HEATR5A: variants seen among roughly 807,000 people sequenced by gnomAD.
HEATR5A encodes HEAT repeat containing 5A, also known as HEAT repeat-containing protein 5A.
A neutral mutation model predicts 218.8 loss-of-function variants in HEATR5A; 178 were observed. The ratio of observed to expected loss-of-function variants is 0.81; its 90% CI spans 0.72 to 0.92. The LOEUF is 0.92. Among genes scored for constraint, HEATR5A ranks in the 40% least tolerant of loss-of-function variants. The pLI is 0.00. For synonymous variants in HEATR5A, 864 were observed against 871.6 expected, an observed-to-expected ratio of 0.99 and a Z score of 0.15; for missense variants, 2,420 against 2,418.9, an observed-to-expected ratio of 1.00 and a Z score of -0.01.
At chr14:31,325,411 C>T (rs965813059) in intron 23 of HEATR5A, among the ~76,000 whole-genome samples, 1 of 151,742 alleles carries the variant, frequency 6.6e-6, no homozygotes, top group African/African-American at 2.4e-5. Flanking sequence ...AATGTCATAA[C>T]TTTGTATAAC....
Position 31,383,753 on chromosome 14 carries a change from A to G in HEATR5A, c.1364T>C (p.Leu455Ser). The G allele has an allele frequency of 6.2e-7, 1 of 1,613,416 alleles. No homozygotes were observed. The highest frequency in any genetic ancestry group is 8.5e-7 in the Non-Finnish European group (1 of 1,179,636). ...AATGCTAGGATGAAGAATAACTGAC[A>G]AGATACTGTCAAGGAGACCTGGAAG... Reference protein sequence around the residue: ...DSSTGLLDSILSVILHPSISV... With the variant: ...DSSTGLLDSISSVILHPSISV... The change falls in exon 10 of 36, where the codon TTG (leucine) becomes TCG (serine). Residue 455 changes from leucine to serine, a missense_variant. Transcript: ENST00000543095.
rs768557899 is a variant in HEATR5A, at chr14:31,343,938, A to G, written c.3186T>C (p.Ala1062=). 3.1e-6 allele frequency: 5 copies of G among 1,611,534 alleles called. No individual in the cohort carries two copies. The highest frequency in any genetic ancestry group is 8.5e-7 in the Non-Finnish European group (1 of 1,179,078). The change falls in exon 21 of 36, where the codon GCT becomes GCC. Residue 1062 remains alanine, a synonymous_variant. Coordinates refer to ENST00000543095, the MANE Select transcript of HEATR5A (RefSeq NM_015473.4). ...GGCTAGACAAGTTGACATGTCGTGG[A>G]GCAAACATATGAAGCTGCTGAAGGC... ...ISCLQQLHMF[A]PRHVNLSSLV...
At position 31,343,994 on chromosome 14, in the gene HEATR5A, C is replaced by T. The variant is rs1900929707; in HGVS notation, c.3130G>A (p.Asp1044Asn). Residue 1044 changes from aspartate (D) to asparagine (N), a missense_variant, in exon 21 of 36, where the codon GAC (aspartate) becomes AAC (asparagine). Coordinates refer to ENST00000543095, the MANE Select transcript of HEATR5A (RefSeq NM_015473.4). Reference protein sequence around the residue: ...LGCAVMQDNPDCLVQAQAISC... With the variant: ...LGCAVMQDNPNCLVQAQAISC... ...ATGGCCTGAGCTTGAACAAGGCAGTCTGGGTTATCTTGCATTACTGCACAA... is the reference window on the plus strand; with the variant it reads ...ATGGCCTGAGCTTGAACAAGGCAGTTTGGGTTATCTTGCATTACTGCACAA... 6 of 1,611,242 alleles carry T rather than the reference C, an allele frequency of 3.7e-6. No homozygotes were observed. The highest frequency in any genetic ancestry group is 2.2e-5 in the East Asian group (1 of 44,794).
At position 31,321,621 on chromosome 14, in the gene HEATR5A, C is replaced by G; in HGVS notation, c.3847G>C (p.Asp1283His). The G allele has an allele frequency of 6.2e-7, 1 of 1,610,002 alleles. No individual in the cohort carries two copies. The highest frequency in any genetic ancestry group is 8.5e-7 in the Non-Finnish European group (1 of 1,178,362). Reference protein sequence around the residue: ...LIRMAFMAATDHSDQLRLSGL... With the variant: ...LIRMAFMAATHHSDQLRLSGL... ...GAAAGACGGAGCTGGTCACTGTGAT[C>G]TGTGGCAGCCATAAAAGCCATGCGA... Residue 1283 changes from aspartate to histidine, a missense_variant, in exon 25 of 36, where the codon GAT becomes CAT. Coordinates refer to ENST00000543095, the MANE Select transcript of HEATR5A (RefSeq NM_015473.4).
chr14:31,302,740 T>C (rs1231404437), intron 32 of HEATR5A: 2 of 500,110 alleles, frequency 4.0e-6, no homozygotes, highest in East Asian at 6.9e-5. Context: ...TTTAAATAAA[T>C]TGTGTGAGTA....
chr14:31,301,447 A>G (rs1335829614), intron 33 of HEATR5A, among the ~76,000 whole-genome samples: 1 of 152,078 alleles, frequency 6.6e-6, no homozygotes, highest in Non-Finnish European at 1.5e-5. Context: ...GGATGCTGAA[A>G]ATAATACTGG....
Position 31,394,176 on chromosome 14 carries a change from C to T in HEATR5A, c.648G>A (p.Leu216=). The T allele has an allele frequency of 2.0e-6, 3 of 1,526,984 alleles. No individual in the cohort carries two copies. Among genetic ancestry groups the T allele is most frequent in the Non-Finnish European group, 2.6e-6 (3 of 1,142,112 alleles). 94.6% of individuals were successfully genotyped at this position (1,526,984 alleles called of 1,614,324 possible). Reference sequence around the variant, plus strand: ...TAAAACACAGTGTGGCCACACTGTCCAGGTCCGTACTCCACATAAAGATGG... The same window carrying T: ...TAAAACACAGTGTGGCCACACTGTCTAGGTCCGTACTCCACATAAAGATGG... ...NEAIFMWSTD[L]DSVATLCFKS... The change falls in exon 6 of 36, where the codon CTG becomes CTA. Residue 216 remains leucine (L), a synonymous_variant. Coordinates refer to ENST00000543095, the MANE Select transcript of HEATR5A (RefSeq NM_015473.4).
chr14:31,359,711 T>TG (rs1274680805), intron 14 of HEATR5A, among the ~76,000 whole-genome samples: 2 of 110,716 alleles, frequency 1.8e-5, no homozygotes, highest in Non-Finnish European at 3.3e-5. Context: ...GGCAACAGAA[T>TG]GAGTCTCCAT....
chr14:31,390,641 G>C (rs184247226), intron 6 of HEATR5A, among the ~76,000 whole-genome samples: 5 of 152,132 alleles, frequency 3.3e-5, no homozygotes, highest in African/African-American at 1.2e-4. Context: ...GATTATAATG[G>C]AGCTGAAAAA....
rs183823488 is a variant in HEATR5A at position 31,298,447 on chromosome 14, A to C, written c.5465-2384T>G. On this transcript the variant is annotated intron_variant, in intron 33 of 35. Coordinates refer to ENST00000543095, the MANE Select transcript of HEATR5A (RefSeq NM_015473.4). ...GAGATGAAAGAAGCAAGCTCATCAT[A>C]AACCTCAACATGAATTATTATTATT... is the stretch of plus-strand genomic sequence containing the variant. 5.3e-5 allele frequency among the ~76,000 whole-genome samples: 8 copies of C among 152,284 alleles called. No individual in the cohort carries two copies. In the East Asian group the frequency reaches 1.5e-3, roughly 29 times the overall value.
intron 34 of HEATR5A, among the ~76,000 whole-genome samples, chr14:31,295,125 G>A (rs1249763518): frequency 6.6e-6 from 1 of 152,036 alleles, no homozygotes; most frequent in Admixed American, 6.6e-5. Flanking sequence ...TCACCTAGAG[G>A]CACATAAAAA....
chr14:31,301,912 G>A (rs1366177498), intron 33 of HEATR5A, among the ~76,000 whole-genome samples: 1 of 144,472 alleles, frequency 6.9e-6, no homozygotes, highest in African/African-American at 2.6e-5. Context: ...CCACCTCCAG[G>A]GTTCAAGCAA....
chr14:31,345,733 T>C (rs1456301387), intron 19 of HEATR5A, among the ~76,000 whole-genome samples: 2 of 152,178 alleles, frequency 1.3e-5, no homozygotes, highest in East Asian at 1.9e-4. Flanking sequence ...ATTTATGCTG[T>C]TGCAAATTAG....
At chr14:31,304,579 G>A (rs1285833950) in intron 32 of HEATR5A, among the ~76,000 whole-genome samples, 4 of 152,014 alleles carry the variant, frequency 2.6e-5, no homozygotes, top group Non-Finnish European at 4.4e-5. Context: ...CACCATGCCT[G>A]GCTAATTTTG....
At chr14:31,362,615 A>C (rs1011535029) in intron 14 of HEATR5A, among the ~76,000 whole-genome samples, 1 of 147,680 alleles carries the variant, frequency 6.8e-6, no homozygotes, top group African/African-American at 2.5e-5. Context: ...ACAAAAAAAA[A>C]AAAAAAAAAA....
chr14:31,317,881 A>C (rs1482786238), intron 26 of HEATR5A, among the ~76,000 whole-genome samples: 1 of 152,156 alleles, frequency 6.6e-6, no homozygotes, highest in Non-Finnish European at 1.5e-5. Context: ...CCATCAATTC[A>C]ATTTTGGGGG....
At chr14:31,347,116 A>G (rs2139211036) in intron 19 of HEATR5A, among the ~76,000 whole-genome samples, 1 of 152,346 alleles carries the variant, frequency 6.6e-6, no homozygotes. Context: ...TATTACAAGG[A>G]CTAAAAGAAT....
intron 16 of HEATR5A, among the ~76,000 whole-genome samples, chr14:31,355,460 T>C (rs933953193): frequency 6.6e-6 from 1 of 151,502 alleles, no homozygotes; most frequent in East Asian, 1.9e-4. Flanking sequence ...AGGCTGGGCA[T>C]AGTGGCTCAT....
chr14:31,357,723 T>C (rs749571500), intron 16 of HEATR5A, among the ~76,000 whole-genome samples: 2 of 152,206 alleles, frequency 1.3e-5, no homozygotes, highest in African/African-American at 2.4e-5. Context: ...TACAATAGCA[T>C]AAGATGGAAA....
Sources: gnomAD v4.1 joint callset for allele counts (sites outside exome capture counted in the v4.1 genomes callset) on GRCh38, gnomAD v4.1.1 for gene constraint, MANE v1.5 for transcripts, NCBI Gene and HGNC (gene_info 2026-07-23, HGNC 2026-07-21) for gene names.